EPB41L4A: variants seen among roughly 807,000 people sequenced by gnomAD.
The protein encoded by EPB41L4A is erythrocyte membrane protein band 4.1 like 4A, also known as band 4.1-like protein 4A.
A neutral mutation model predicts 108.6 loss-of-function variants in EPB41L4A; 100 were observed. The ratio of observed to expected loss-of-function variants is 0.92; its 90% CI spans 0.78 to 1.09. The LOEUF (loss-of-function observed/expected upper bound fraction) is 1.09. EPB41L4A is among the 50% of genes least tolerant of loss of function. The pLI, the probability that EPB41L4A is intolerant of heterozygous loss-of-function variation, is 0.00. For synonymous variants in EPB41L4A, 319 were observed against 289.0 expected (o/e 1.10, Z -1.05); for missense variants, 1,030 against 842.7 (o/e 1.22, Z -2.75).
Position 112,391,143 on chromosome 5 carries a change from C to G in EPB41L4A, c.99+27798G>C, listed in dbSNP as rs150227144. ...AACCAGAGTAAAAAAGCTGAAAATT[C>G]TAAAAACTAGAGCGCCTCTTCTCCT... is the stretch of plus-strand genomic sequence containing the variant. On this transcript the variant is annotated intron_variant, in intron 1 of 22. Coordinates refer to ENST00000261486, the MANE Select transcript of EPB41L4A (RefSeq NM_022140.5). 7.1e-3 allele frequency among the ~76,000 whole-genome samples: 1,087 copies of G among 152,252 alleles called. 15 individuals carry two copies. The highest frequency in any genetic ancestry group is 0.025 in the African/African-American group (1,032 of 41,552).
intron 1 of EPB41L4A, among the ~76,000 whole-genome samples, chr5:112,314,758 A>C (rs1291691087): frequency 2.0e-5 from 3 of 151,740 alleles, no homozygotes; most frequent in Non-Finnish European, 4.4e-5. Context: ...GCGATACTGC[A>C]CTCCAGCCTG....
chr5:112,264,406 G>A (rs923958503), intron 6 of EPB41L4A: 1 of 152,632 alleles, frequency 6.6e-6, no homozygotes, highest in Non-Finnish European at 1.5e-5. Flanking sequence ...TTATAACCGT[G>A]AAGAACTGGG....
intron 17 of EPB41L4A, among the ~76,000 whole-genome samples, chr5:112,194,165 C>T (rs1427716738): frequency 1.3e-5 from 2 of 152,014 alleles, no homozygotes; most frequent in South Asian, 2.1e-4. Context: ...AGCCTGAAAC[C>T]GCAGAATCTA....
At chr5:112,161,288 C>T, downstream of EPB41L4A, 4 of 344,360 alleles carry the variant, frequency 1.2e-5, no homozygotes, top group South Asian at 8.8e-5. Context: ...TGATCACCTA[C>T]CCTACAGGTG....
At chr5:112,376,422 A>C (rs764355632) in intron 1 of EPB41L4A, among the ~76,000 whole-genome samples, 9 of 152,244 alleles carry the variant, frequency 5.9e-5, no homozygotes, top group Non-Finnish European at 1.3e-4. Flanking sequence ...TAACTCATAC[A>C]TTGCTGGTGG....
At chr5:112,319,148 C>T (rs762190712) in intron 1 of EPB41L4A, among the ~76,000 whole-genome samples, 2 of 152,126 alleles carry the variant, frequency 1.3e-5, no homozygotes, top group African/African-American at 2.4e-5. Flanking sequence ...TAACTTACTG[C>T]ACCAAAAATG....
chr5:112,373,139 C>T (rs1012325159), intron 1 of EPB41L4A, among the ~76,000 whole-genome samples: 2 of 152,196 alleles, frequency 1.3e-5, no homozygotes, highest in African/African-American at 4.8e-5. Flanking sequence ...TATCCACCTG[C>T]TCAATAAAGG....
chr5:112,405,640 G>C (rs528663376), intron 1 of EPB41L4A, among the ~76,000 whole-genome samples: 36 of 152,238 alleles, frequency 2.4e-4, no homozygotes, highest in African/African-American at 8.7e-4. Context: ...TTTAGATCTT[G>C]AAACAGAGCC....
intron 1 of EPB41L4A, among the ~76,000 whole-genome samples, chr5:112,331,619 G>A (rs1756572960): frequency 6.6e-6 from 1 of 152,184 alleles, no homozygotes; most frequent in African/African-American, 2.4e-5. Context: ...TGCCCAAGCG[G>A]GGCCTTCTGG....
intron 1 of EPB41L4A, among the ~76,000 whole-genome samples, chr5:112,356,381 T>C (rs529089294): frequency 6.6e-6 from 1 of 152,316 alleles, no homozygotes; most frequent in Admixed American, 6.5e-5. Flanking sequence ...CTTTGGTCTA[T>C]GCAGAAAGCA....
chr5:112,260,101 A>G, intron 7 of EPB41L4A, 122 bp from the exon 8 acceptor site: 1 of 728,074 alleles, frequency 1.4e-6, no homozygotes. Context: ...GAAAGACATC[A>G]GCCTAGAAAG....
chr5:112,220,002 C>G lies in EPB41L4A; in HGVS notation c.1088-10020G>C, dbSNP rs569266986. On this transcript the variant is annotated intron_variant, in intron 12 of 22. Transcript: ENST00000261486. ...TCAGCCACTGTGCCCTGCCAGAAAG[C>G]AATTTTTAATGAGGTAAACAGAGGT... is the stretch of plus-strand genomic sequence containing the variant. Among the ~76,000 whole-genome samples the G allele has an allele frequency of 2.6e-5, 4 of 152,302 alleles. No homozygotes were observed. The East Asian group carries it at 7.7e-4, about 29-fold the overall frequency.
intron 2 of EPB41L4A, among the ~76,000 whole-genome samples, chr5:112,284,675 C>T (rs1370464065): frequency 6.6e-6 from 1 of 152,216 alleles, no homozygotes; most frequent in Non-Finnish European, 1.5e-5. Flanking sequence ...TCCTAACATA[C>T]TGTATCCTAA....
chr5:112,204,480 T>C lies in EPB41L4A; in HGVS notation c.1271A>G (p.Tyr424Cys). The stretch of plus-strand genomic sequence containing the variant: ...CTTAGTGCGATCACTGGGAGAATTG[T>C]AGAGTCCACTGGAGAGAAAGAAAAA... The part of the protein sequence containing the change: ...WEENGPQSGL[Y>C]NSPSDRTKSP... The change falls in exon 15 of 23, where the codon TAC (tyrosine) becomes TGC (cysteine). Residue 424 changes from tyrosine (Y) to cysteine (C), a missense_variant. Physicochemically the swap from Tyr to Cys is radical, Grantham distance 194. Transcript: ENST00000261486. The C allele has an allele frequency of 1.2e-6, 2 of 1,609,944 alleles. No individual in the cohort carries two copies. Among genetic ancestry groups the C allele is most frequent in the Non-Finnish European group, 8.5e-7 (1 of 1,176,362 alleles).
intron 1 of EPB41L4A, among the ~76,000 whole-genome samples, chr5:112,317,992 C>T (rs1344380555): frequency 2.0e-5 from 3 of 152,060 alleles, no homozygotes; most frequent in Admixed American, 2.0e-4. Context: ...AAGGAATGTC[C>T]TTGATGACAT....
chr5:112,277,975 T>C (rs930814726), intron 3 of EPB41L4A, among the ~76,000 whole-genome samples: 1 of 152,244 alleles, frequency 6.6e-6, no homozygotes, highest in Non-Finnish European at 1.5e-5. Flanking sequence ...AGCCAAAAAC[T>C]GGGAATCCTC....
intron 1 of EPB41L4A, among the ~76,000 whole-genome samples, chr5:112,391,917 T>G (rs573584097): frequency 6.6e-6 from 1 of 152,304 alleles, no homozygotes; most frequent in Non-Finnish European, 1.5e-5. Flanking sequence ...TGGGGGCCAG[T>G]ATTCAACATT....
At chr5:112,320,978 A>G (rs1420704606) in intron 1 of EPB41L4A, among the ~76,000 whole-genome samples, 5 of 152,206 alleles carry the variant, frequency 3.3e-5, no homozygotes. Context: ...GCCAAAAGTA[A>G]ATGACTTCAA....
chr5:112,390,092 A>G (rs186466871), intron 1 of EPB41L4A, among the ~76,000 whole-genome samples: 1 of 152,362 alleles, frequency 6.6e-6, no homozygotes, highest in African/African-American at 2.4e-5. Flanking sequence ...AGATGGCTGA[A>G]TAGGAAGAGC....
Sources: gnomAD v4.1 joint callset for allele counts (sites outside exome capture counted in the v4.1 genomes callset) on GRCh38, gnomAD v4.1.1 for gene constraint, MANE v1.5 for transcripts, NCBI Gene and HGNC (gene_info 2026-07-23, HGNC 2026-07-21) for gene names.